The following DCC variants were observed in gnomAD, a reference collection of about 807,000 sequenced individuals.
DCC encodes netrin receptor DCC.
In DCC, 58 loss-of-function variants were observed where a neutral mutation model predicts 172.5. That is an observed-to-expected ratio of 0.34 (90% CI 0.27 to 0.42). The LOEUF is 0.42. DCC is among the 10% of genes least tolerant of loss of function. The pLI, the probability that DCC is intolerant of heterozygous loss-of-function variation, is 1.00. For synonymous variants in DCC, 709 were observed against 644.5 expected, an observed-to-expected ratio of 1.10 and a Z score of -1.52; for missense variants, 1,740 against 1,791.0, an observed-to-expected ratio of 0.97 and a Z score of 0.51.
intron 5 of DCC, among the ~76,000 whole-genome samples, chr18:52,957,391 G>A (rs2145560856): frequency 6.6e-6 from 1 of 152,128 alleles, no homozygotes; most frequent in African/African-American, 2.4e-5. Context: ...TCAAAAATAA[G>A]TGATAATTTG....
intron 1 of DCC, among the ~76,000 whole-genome samples, chr18:52,459,713 C>A (rs565278088): frequency 5.9e-5 from 9 of 152,090 alleles, no homozygotes; most frequent in African/African-American, 2.2e-4. Context: ...TCGTGATATG[C>A]CCGCCTCAGC....
intron 5 of DCC, among the ~76,000 whole-genome samples, chr18:53,048,611 A>C (rs1288516914): frequency 6.6e-6 from 1 of 150,826 alleles, no homozygotes; most frequent in Non-Finnish European, 1.5e-5. Flanking sequence ...ATGTATAAAA[A>C]ATGTGATATA....
At chr18:53,428,828 T>C (rs1168270949) in intron 21 of DCC, among the ~76,000 whole-genome samples, 1 of 28,700 alleles carries the variant, frequency 3.5e-5, no homozygotes, top group African/African-American at 1.1e-4. Flanking sequence ...ATAAATTATA[T>C]ATTATATATT....
rs2057189875 is a variant in DCC, at chr18:53,305,561, C to T, written c.1912-17C>T. 1.3e-6 allele frequency: 2 copies of T among 1,599,630 alleles called. No individual in the cohort carries two copies. The highest frequency in any genetic ancestry group is 2.7e-5 in the African/African-American group (2 of 74,500). On this transcript the variant is annotated splice_polypyrimidine_tract_variant and intron_variant, in intron 12 of 28. Transcript: ENST00000442544. ...TTTCTTTCTTCAATGTTTTAATTTA[C>T]ACCTATTATTTTACAGAGTATCAAA...
intron 21 of DCC, among the ~76,000 whole-genome samples, chr18:53,422,809 G>A (rs538921303): frequency 6.6e-6 from 1 of 152,238 alleles, no homozygotes; most frequent in Admixed American, 6.5e-5. Context: ...CTTCTGATGG[G>A]AGCTGTTTAA....
intron 12 of DCC, among the ~76,000 whole-genome samples, chr18:53,271,031 A>G (rs975601175): frequency 1.5e-4 from 23 of 152,196 alleles, no homozygotes; most frequent in Non-Finnish European, 1.5e-4. Flanking sequence ...TAGCTATTAC[A>G]TAGTGGAGCT....
intron 1 of DCC, among the ~76,000 whole-genome samples, chr18:52,619,539 T>G (rs2034443550): frequency 6.6e-6 from 1 of 152,206 alleles, no homozygotes; most frequent in African/African-American, 2.4e-5. Context: ...TGAGTATGGG[T>G]GATCCCAATA....
At chr18:52,916,350 T>C (rs993342024) in intron 3 of DCC, among the ~76,000 whole-genome samples, 1 of 152,194 alleles carries the variant, frequency 6.6e-6, no homozygotes, top group African/African-American at 2.4e-5. Context: ...GAAAATAATA[T>C]TTACTTCCAA....
chr18:52,570,088 C>T (rs1167312882), intron 1 of DCC, among the ~76,000 whole-genome samples: 4 of 152,130 alleles, frequency 2.6e-5, no homozygotes, highest in African/African-American at 9.7e-5. Flanking sequence ...TATATAGACA[C>T]ATTGGACATT....
At chr18:53,026,666 C>T (rs867815587) in intron 5 of DCC, among the ~76,000 whole-genome samples, 20 of 152,214 alleles carry the variant, frequency 1.3e-4, no homozygotes, top group African/African-American at 4.1e-4. Context: ...AGCGAGCCTC[C>T]TTCCTTTGCC....
chr18:53,341,315 T>C (rs2057656925), intron 15 of DCC, among the ~76,000 whole-genome samples: 1 of 152,152 alleles, frequency 6.6e-6, no homozygotes, highest in South Asian at 2.1e-4. Context: ...TTGTTGACCC[T>C]ATCCTTTTTC....
intron 1 of DCC, among the ~76,000 whole-genome samples, chr18:52,541,274 T>G (rs1248873479): frequency 6.6e-6 from 1 of 152,190 alleles, no homozygotes; most frequent in African/African-American, 2.4e-5. Context: ...CAGATGGTCT[T>G]CTCCTTCTGC....
rs906109562 is a variant in DCC, at chr18:53,534,124, A to T, written c.*3471A>T. 7 of 152,218 alleles carry T rather than the reference A, an allele frequency of 4.6e-5. No homozygotes were observed. Among genetic ancestry groups the T allele is most frequent in the Admixed American group, 3.9e-4 (6 of 15,278 alleles). The allele number at this position is 152,218 out of a possible 1,614,324, so 9.4% of individuals were successfully genotyped here. Reference sequence around the variant, plus strand: ...TCATCTTATGGTTGTCCCCAAATGTAATATGGTATCTCAGATATAGCAGCT... The same window carrying T: ...TCATCTTATGGTTGTCCCCAAATGTTATATGGTATCTCAGATATAGCAGCT... On this transcript the variant is annotated 3_prime_UTR_variant, in exon 29 of 29. Coordinates refer to ENST00000442544, the MANE Select transcript of DCC (RefSeq NM_005215.4).
intron 1 of DCC, among the ~76,000 whole-genome samples, chr18:52,357,524 A>C (rs552573398): frequency 6.6e-6 from 1 of 152,342 alleles, no homozygotes; most frequent in East Asian, 1.9e-4. Flanking sequence ...TGAATAAATA[A>C]AGAGAAGAGA....
chr18:53,226,948 A>ATATATATATATATATATATTTTTTTTT, intron 12 of DCC, among the ~76,000 whole-genome samples: 4 of 52,950 alleles, frequency 7.6e-5, no homozygotes, highest in Non-Finnish European at 1.6e-4. Flanking sequence ...ATATATATAT[A>ATATATATATATATATATATTTTTTTTT]TTTTTTTTTT....
In DCC at chr18:52,734,265, T is replaced by A. The variant is rs569331098; in HGVS notation, c.92-17789T>A. Among the ~76,000 whole-genome samples, 7 of 152,282 alleles carry A rather than the reference T, an allele frequency of 4.6e-5. 1 individual carries two copies. In the South Asian group the frequency reaches 1.4e-3, roughly 32 times the overall value. On this transcript the variant is annotated intron_variant, in intron 1 of 28. Coordinates refer to ENST00000442544, the MANE Select transcript of DCC (RefSeq NM_005215.4). Reference sequence around the variant, plus strand: ...TTATAAATCAAGTCTCCTTTCAGTATCAGAAGTGTCTGAAATATATAGTAA... The same window carrying A: ...TTATAAATCAAGTCTCCTTTCAGTAACAGAAGTGTCTGAAATATATAGTAA...
intron 11 of DCC, among the ~76,000 whole-genome samples, chr18:53,208,469 C>A (rs1454274312): frequency 1.3e-5 from 2 of 151,124 alleles, no homozygotes; most frequent in African/African-American, 4.9e-5. Context: ...TTTTATTCCC[C>A]CATCTAAAAG....
At chr18:53,357,943 G>A (rs1395096890) in intron 15 of DCC, among the ~76,000 whole-genome samples, 3 of 152,004 alleles carry the variant, frequency 2.0e-5, no homozygotes, top group South Asian at 2.1e-4. Flanking sequence ...GAGAATCCCT[G>A]CTTATTCTTA....
intron 1 of DCC, among the ~76,000 whole-genome samples, chr18:52,477,377 C>T (rs1183585987): frequency 3.3e-5 from 5 of 152,128 alleles, no homozygotes; most frequent in Non-Finnish European, 7.3e-5. Flanking sequence ...AAGGTAGCAT[C>T]GTTTTATTCT....
Sources: allele counts gnomAD v4.1 joint callset (sites outside exome capture counted in the v4.1 genomes callset), GRCh38; gene constraint gnomAD v4.1.1; transcripts MANE v1.5; gene names NCBI Gene and HGNC (gene_info 2026-07-23, HGNC 2026-07-21).